Variants in MLLT3 observed in about 807,000 individuals in gnomAD.
MLLT3 encodes MLLT3 super elongation complex subunit, also known as protein AF-9.
Under a neutral mutation model 53.2 loss-of-function variants are expected in MLLT3, and 4 were observed. That is an observed-to-expected ratio of 0.08 (90% confidence interval 0.04 to 0.17). The LOEUF is 0.17. MLLT3 is among the 10% of genes least tolerant of loss of function. The pLI is 1.00. For synonymous variants in MLLT3, 283 were observed against 230.6 expected, an observed-to-expected ratio of 1.23 and a Z score of -2.06; for missense variants, 569 against 684.0, an observed-to-expected ratio of 0.83 and a Z score of 1.87.
chr9:20,480,424 A>G (rs1195961906), intron 2 of MLLT3, among the ~76,000 whole-genome samples: 2 of 152,198 alleles, frequency 1.3e-5, no homozygotes, highest in East Asian at 3.8e-4. Flanking sequence ...CTTCATGCAA[A>G]CAGATCCACT....
chr9:20,543,653 G>C (rs899129682), intron 2 of MLLT3, among the ~76,000 whole-genome samples: 21 of 151,606 alleles, frequency 1.4e-4, no homozygotes, highest in African/African-American at 4.6e-4. Context: ...GAAAGAAGAA[G>C]AAGGAAAAGA....
At chr9:20,353,718 A>T (rs1821094142) in intron 9 of MLLT3, 122 bp from the exon 10 acceptor site, 5 of 807,966 alleles carry the variant, frequency 6.2e-6, no homozygotes, top group Non-Finnish European at 1.0e-5. Flanking sequence ...ACACCACTCT[A>T]GCCCAGGCTG....
intron 2 of MLLT3, among the ~76,000 whole-genome samples, chr9:20,589,989 C>G (rs555996855): frequency 1.3e-5 from 2 of 152,000 alleles, no homozygotes; most frequent in Non-Finnish European, 2.9e-5. Flanking sequence ...GATTACAGCC[C>G]GACCTAACTG....
intron 4 of MLLT3, among the ~76,000 whole-genome samples, chr9:20,420,452 G>T (rs1033840745): frequency 4.6e-5 from 7 of 152,160 alleles, no homozygotes; most frequent in Non-Finnish European, 7.3e-5. Context: ...ATGAGTGCTA[G>T]ATTAATATCA....
At chr9:20,372,139 T>G (rs1306574768) in intron 5 of MLLT3, among the ~76,000 whole-genome samples, 1 of 152,230 alleles carries the variant, frequency 6.6e-6, no homozygotes, top group Non-Finnish European at 1.5e-5. Context: ...GATGAGGAGT[T>G]GCTGCTTATG....
intron 2 of MLLT3, among the ~76,000 whole-genome samples, chr9:20,461,845 T>C (rs1824115737): frequency 6.6e-6 from 1 of 152,158 alleles, no homozygotes; most frequent in Non-Finnish European, 1.5e-5. Context: ...AATTATTGGC[T>C]TTACTTTATT....
chr9:20,458,361 C>G (rs1292257972), intron 2 of MLLT3, among the ~76,000 whole-genome samples: 1 of 152,184 alleles, frequency 6.6e-6, no homozygotes, highest in Non-Finnish European at 1.5e-5. Context: ...GCCCAGAATA[C>G]TTGGGTACCA....
At chr9:20,436,805 A>G (rs1823418550) in intron 4 of MLLT3, among the ~76,000 whole-genome samples, 1 of 152,214 alleles carries the variant, frequency 6.6e-6, no homozygotes, top group Non-Finnish European at 1.5e-5. Context: ...TACTCATTTT[A>G]TAGCCATAAA....
chr9:20,372,762 A>G (rs1322505617), intron 5 of MLLT3, among the ~76,000 whole-genome samples: 1 of 151,836 alleles, frequency 6.6e-6, no homozygotes, highest in African/African-American at 2.4e-5. Flanking sequence ...CAGCACTCCA[A>G]TCGATAAGTA....
chr9:20,537,887 A>G (rs1818526877), intron 2 of MLLT3, among the ~76,000 whole-genome samples: 1 of 152,236 alleles, frequency 6.6e-6, no homozygotes, highest in African/African-American at 2.4e-5. Context: ...TCTTCATCTT[A>G]GCCTAGGTTT....
At chr9:20,366,831 A>G (rs1821465178) in intron 5 of MLLT3, among the ~76,000 whole-genome samples, 1 of 152,228 alleles carries the variant, frequency 6.6e-6, no homozygotes, top group Non-Finnish European at 1.5e-5. Context: ...AAAGCTCATC[A>G]TTACTGGTCA....
At chr9:20,557,375 A>G (rs1401664436) in intron 2 of MLLT3, among the ~76,000 whole-genome samples, 1 of 152,134 alleles carries the variant, frequency 6.6e-6, no homozygotes, top group Admixed American at 6.5e-5. Context: ...CAATTTCCTC[A>G]TCTTTAAAAT....
At chr9:20,366,999 C>T (rs573890874) in intron 5 of MLLT3, among the ~76,000 whole-genome samples, 1 of 152,348 alleles carries the variant, frequency 6.6e-6, no homozygotes, top group South Asian at 2.1e-4. Flanking sequence ...AAGGCCATGA[C>T]CCAACCCTAA....
chr9:20,347,532 G>T, intron 10 of MLLT3, among the ~76,000 whole-genome samples: 1 of 152,304 alleles, frequency 6.6e-6, no homozygotes. Flanking sequence ...CACTTCTGAA[G>T]TCTCAACATT....
In MLLT3 at chr9:20,349,690, T is replaced by C. The variant is rs368102594; in HGVS notation, c.1576-3116A>G. 4.6e-5 allele frequency among the ~76,000 whole-genome samples: 7 copies of C among 152,358 alleles called. No homozygotes were observed. The East Asian group carries it at 7.7e-4, about 17-fold the overall frequency. On this transcript the variant is annotated intron_variant, in intron 10 of 10. Coordinates refer to ENST00000380338, the MANE Select transcript of MLLT3 (RefSeq NM_004529.4). ...TAATTTTAAAGCATATAAACACTTTTGCCCACTAGAAACGTCAGCCCGGGC... is the reference window on the plus strand; with the variant it reads ...TAATTTTAAAGCATATAAACACTTTCGCCCACTAGAAACGTCAGCCCGGGC...
At chr9:20,470,726 G>A (rs1824369317) in intron 2 of MLLT3, among the ~76,000 whole-genome samples, 1 of 151,892 alleles carries the variant, frequency 6.6e-6, no homozygotes, top group Admixed American at 6.6e-5. Context: ...TAAACCAAAG[G>A]TACAAAGGAG....
rs893925618 is a variant in MLLT3 at position 20,346,626 on chromosome 9, G to T, written c.1576-52C>A. 25 of 1,573,388 alleles carry T rather than the reference G, an allele frequency of 1.6e-5. No individual in the cohort carries two copies. In the African/African-American group the frequency reaches 3.3e-4, roughly 21 times the overall value. On this transcript the variant is annotated intron_variant, in intron 10 of 10. Coordinates refer to ENST00000380338, the MANE Select transcript of MLLT3 (RefSeq NM_004529.4). ...GGGCAATACGCAGCAAACATCAAAA[G>T]GCAAAGAGAGAGTAATGGAGGGGCG...
intron 2 of MLLT3, among the ~76,000 whole-genome samples, chr9:20,516,674 A>T (rs144938723): frequency 6.6e-6 from 1 of 152,256 alleles, no homozygotes; most frequent in African/African-American, 2.4e-5. Context: ...TGAACCAAAA[A>T]AGAATCTGAG....
intron 4 of MLLT3, among the ~76,000 whole-genome samples, chr9:20,425,119 A>G (rs1351035971): frequency 5.3e-5 from 8 of 152,310 alleles, no homozygotes; most frequent in Non-Finnish European, 1.0e-4. Context: ...GAATCAAGGG[A>G]CATTGTCCAT....
Sources: gnomAD v4.1 joint callset for allele counts (sites outside exome capture counted in the v4.1 genomes callset) on GRCh38, gnomAD v4.1.1 for gene constraint, MANE v1.5 for transcripts, NCBI Gene and HGNC (gene_info 2026-07-23, HGNC 2026-07-21) for gene names.